Variants in SEMA6D observed in about 807,000 individuals in gnomAD.
SEMA6D encodes semaphorin-6D.
In SEMA6D, 35 loss-of-function variants were observed where a neutral mutation model predicts 106.6. The ratio of observed to expected loss-of-function variants is 0.33; its 90% confidence interval spans 0.25 to 0.44. The LOEUF is 0.44. SEMA6D is among the 20% of genes least tolerant of loss of function. The probability of loss-of-function intolerance (pLI) is 1.00; values close to 1 mark genes in which losing one functional copy is unlikely to be tolerated. For synonymous variants in SEMA6D, 499 were observed against 487.7 expected, an observed-to-expected ratio of 1.02 and a Z score of -0.31; for missense variants, 1,185 against 1,345.9, an observed-to-expected ratio of 0.88 and a Z score of 1.87.
At chr15:47,419,128 G>A (rs1291662650) in intron 2 of SEMA6D, among the ~76,000 whole-genome samples, 1 of 152,082 alleles carries the variant, frequency 6.6e-6, no homozygotes, top group Non-Finnish European at 1.5e-5. Context: ...GGTCCTTGTG[G>A]GATTTTAGAA....
intron 3 of SEMA6D, among the ~76,000 whole-genome samples, chr15:47,562,678 A>C (rs1229013948): frequency 6.6e-6 from 1 of 152,108 alleles, no homozygotes; most frequent in Non-Finnish European, 1.5e-5. Flanking sequence ...TATAGTAAAA[A>C]AGACAGATGA....
intron 4 of SEMA6D, among the ~76,000 whole-genome samples, chr15:47,651,129 C>T (rs1232565789): frequency 2.6e-5 from 4 of 152,096 alleles, no homozygotes; most frequent in East Asian, 3.9e-4. Flanking sequence ...CTAAATTTGT[C>T]CTGGGCATGA....
chr15:47,196,023 A>C (rs1894323657), intron 1 of SEMA6D, among the ~76,000 whole-genome samples: 1 of 38,726 alleles, frequency 2.6e-5, no homozygotes, highest in Non-Finnish European at 6.7e-5. Context: ...GGAAAGTTTC[A>C]GATTTTTTTT....
At chr15:47,429,639 G>A (rs1271978283) in intron 2 of SEMA6D, among the ~76,000 whole-genome samples, 3 of 152,066 alleles carry the variant, frequency 2.0e-5, no homozygotes, top group Non-Finnish European at 4.4e-5. Context: ...GAATGCAGTG[G>A]GGCAGATGGT....
intron 3 of SEMA6D, among the ~76,000 whole-genome samples, chr15:47,511,869 G>GGA (rs2044245501): frequency 6.6e-6 from 1 of 152,158 alleles, no homozygotes. Flanking sequence ...AGCCATTGCA[G>GGA]TCTGAAATGT....
chr15:47,414,448 G>C (rs2040895990), intron 2 of SEMA6D, among the ~76,000 whole-genome samples: 1 of 152,044 alleles, frequency 6.6e-6, no homozygotes, highest in Non-Finnish European at 1.5e-5. Context: ...GCAATGTGAG[G>C]AGGAAAAAAA....
chr15:47,191,174 A>G (rs558478302), intron 1 of SEMA6D, among the ~76,000 whole-genome samples: 1,713 of 108,824 alleles, frequency 0.016, 13 homozygotes, highest in Non-Finnish European at 0.024. Flanking sequence ...ACCCTGTCTC[A>G]AAACATATAT....
intron 1 of SEMA6D, among the ~76,000 whole-genome samples, chr15:47,744,642 T>C (rs893249958): frequency 3.9e-5 from 6 of 152,142 alleles, no homozygotes; most frequent in African/African-American, 1.4e-4. Context: ...TAAGTGCCAG[T>C]GGAGGCTCGG....
intron 1 of SEMA6D, among the ~76,000 whole-genome samples, chr15:47,404,851 G>A (rs2040508532): frequency 6.6e-6 from 1 of 152,144 alleles, no homozygotes; most frequent in Non-Finnish European, 1.5e-5. Flanking sequence ...AGGTACATTT[G>A]CAAGCATTGC....
At chr15:47,390,591 G>A (rs1052978560) in intron 1 of SEMA6D, among the ~76,000 whole-genome samples, 1 of 140,338 alleles carries the variant, frequency 7.1e-6, no homozygotes, top group Non-Finnish European at 1.5e-5. Flanking sequence ...TTTGTTTTCA[G>A]TTCTTCAAAC....
chr15:47,626,424 GC>G (rs1352033667), intron 4 of SEMA6D, among the ~76,000 whole-genome samples: 2 of 152,146 alleles, frequency 1.3e-5, no homozygotes, highest in Non-Finnish European at 2.9e-5. Context: ...AATCAAAGTG[GC>G]CAGTAACCTA....
At chr15:47,249,805 G>A (rs1425692387) in intron 1 of SEMA6D, among the ~76,000 whole-genome samples, 1 of 152,146 alleles carries the variant, frequency 6.6e-6, no homozygotes, top group Non-Finnish European at 1.5e-5. Context: ...AGGACTGTTT[G>A]AATTTGGTTA....
intron 1 of SEMA6D, among the ~76,000 whole-genome samples, chr15:47,261,258 C>T (rs1285126513): frequency 6.6e-6 from 1 of 152,048 alleles, no homozygotes; most frequent in Non-Finnish European, 1.5e-5. Context: ...TAGAAGGAAC[C>T]ACATCTGTTT....
intron 1 of SEMA6D, among the ~76,000 whole-genome samples, chr15:47,376,210 C>G (rs1316932243): frequency 6.6e-6 from 1 of 152,244 alleles, no homozygotes; most frequent in East Asian, 1.9e-4. Context: ...CCTGGCAGAT[C>G]TGCACCCCTT....
intron 1 of SEMA6D, among the ~76,000 whole-genome samples, chr15:47,252,238 T>A (rs1392048583): frequency 6.6e-6 from 1 of 152,132 alleles, no homozygotes; most frequent in Non-Finnish European, 1.5e-5. Context: ...AGTGTTGCGA[T>A]TTCTTCATTT....
chr15:47,622,041 A>G (rs1267946769), intron 4 of SEMA6D, among the ~76,000 whole-genome samples: 2 of 152,086 alleles, frequency 1.3e-5, no homozygotes, highest in Non-Finnish European at 2.9e-5. Context: ...TGGTGGCACT[A>G]CTGAGAGGGG....
intron 1 of SEMA6D, among the ~76,000 whole-genome samples, chr15:47,267,955 G>A (rs1344901546): frequency 6.6e-6 from 1 of 151,950 alleles, no homozygotes; most frequent in East Asian, 1.9e-4. Flanking sequence ...TTTTTCTCAA[G>A]TTTTCATCAT....
intron 15 of SEMA6D, 95 bp downstream of exon 15, chr15:47,766,277 C>CT (rs147678407): frequency 0.041 from 35,332 of 867,338 alleles, 7 homozygotes; most frequent in East Asian, 0.085. Context: ...TACTACTTTT[C>CT]TTTTTTTTTG....
chr15:47,763,206 C>T, intron 9 of SEMA6D, 102 bp downstream of exon 9: 1 of 857,488 alleles, frequency 1.2e-6, no homozygotes, highest in Non-Finnish European at 1.8e-6. Flanking sequence ...TTCCAGCTCT[C>T]AATTCAGTAT....
Sources: gnomAD v4.1 joint callset for allele counts (sites outside exome capture counted in the v4.1 genomes callset) on GRCh38, gnomAD v4.1.1 for gene constraint, MANE v1.5 for transcripts, NCBI Gene and HGNC (gene_info 2026-07-23, HGNC 2026-07-21) for gene names.